Variants in DPP10 observed in about 807,000 individuals in gnomAD.
The protein encoded by DPP10 is inactive dipeptidyl peptidase 10.
Under a neutral mutation model 120.9 loss-of-function variants are expected in DPP10, and 33 were observed. The ratio of observed to expected loss-of-function variants is 0.27; its 90% CI spans 0.21 to 0.37. The LOEUF is 0.37. DPP10 is among the 10% of genes least tolerant of loss of function. The probability of loss-of-function intolerance (pLI) is 1.00; values close to 1 mark genes in which losing one functional copy is unlikely to be tolerated. For synonymous variants in DPP10, 337 were observed against 326.1 expected (o/e 1.03, Z -0.36); for missense variants, 816 against 942.8 (o/e 0.87, Z 1.76).
intron 1 of DPP10, among the ~76,000 whole-genome samples, chr2:115,108,579 A>G (rs569588516): frequency 6.6e-6 from 1 of 152,346 alleles, no homozygotes; most frequent in South Asian, 2.1e-4. Flanking sequence ...TTGGCCTACC[A>G]GTAAGCCAAT....
intron 1 of DPP10, among the ~76,000 whole-genome samples, chr2:114,697,088 C>T (rs1700112223): frequency 6.6e-6 from 1 of 151,988 alleles, no homozygotes; most frequent in South Asian, 2.1e-4. Flanking sequence ...TAGTGTACCT[C>T]CCGAGATAAT....
chr2:115,633,014 A>G (rs1464705605), intron 5 of DPP10, among the ~76,000 whole-genome samples: 1 of 152,224 alleles, frequency 6.6e-6, no homozygotes, highest in African/African-American at 2.4e-5. Context: ...ATTGTGGAAG[A>G]CAGTGTGGTG....
intron 5 of DPP10, among the ~76,000 whole-genome samples, chr2:115,531,939 C>T (rs1335232757): frequency 1.3e-5 from 2 of 151,952 alleles, no homozygotes; most frequent in Non-Finnish European, 2.9e-5. Flanking sequence ...AAAATATATC[C>T]GTAGTTTTCA....
intron 3 of DPP10, among the ~76,000 whole-genome samples, chr2:115,449,262 A>G (rs976720091): frequency 2.6e-5 from 4 of 152,136 alleles, no homozygotes; most frequent in African/African-American, 7.2e-5. Flanking sequence ...GAGAGCCATG[A>G]GATCTGGCCA....
intron 1 of DPP10, among the ~76,000 whole-genome samples, chr2:115,163,546 C>T (rs146578111): frequency 3.3e-5 from 5 of 152,234 alleles, no homozygotes; most frequent in Admixed American, 2.0e-4. Context: ...CCTTTTATAC[C>T]CCTTCCTCCT....
At chr2:114,781,080 G>C (rs909365685) in intron 1 of DPP10, among the ~76,000 whole-genome samples, 1 of 152,076 alleles carries the variant, frequency 6.6e-6, no homozygotes, top group Non-Finnish European at 1.5e-5. Flanking sequence ...CACAAAGTCC[G>C]ATGTGCTTGT....
intron 5 of DPP10, among the ~76,000 whole-genome samples, chr2:115,652,274 T>C (rs1364055316): frequency 1.3e-5 from 2 of 151,928 alleles, no homozygotes; most frequent in Non-Finnish European, 2.9e-5. Context: ...TAGTAAATTA[T>C]GAATTATTTG....
chr2:114,868,834 G>A (rs1377130478), intron 1 of DPP10, among the ~76,000 whole-genome samples: 1 of 152,150 alleles, frequency 6.6e-6, no homozygotes, highest in Non-Finnish European at 1.5e-5. Flanking sequence ...TGATGCTTAT[G>A]ATCATGAGTT....
chr2:114,998,848 C>G lies in DPP10; in HGVS notation c.61-310391C>G, dbSNP rs114190873. On this transcript the variant is annotated intron_variant, in intron 1 of 25. Transcript: ENST00000410059. ...TCTCAGAACTAGCAGCAGGAATACT[C>G]CTTAAGATGCCATTTTTTGGACCTT... Among the ~76,000 whole-genome samples the G allele has an allele frequency of 2.1e-3, 320 of 152,204 alleles. 2 individuals are homozygous for G. The highest frequency in any genetic ancestry group is 0.014 in the Middle Eastern group (4 of 292).
chr2:115,279,461 A>C (rs1405143161), intron 1 of DPP10, among the ~76,000 whole-genome samples: 1 of 151,974 alleles, frequency 6.6e-6, no homozygotes, highest in Non-Finnish European at 1.5e-5. Flanking sequence ...ATTGGTCTCT[A>C]CCCAATAAGA....
At chr2:115,390,317 G>C (rs2067235217) in intron 3 of DPP10, among the ~76,000 whole-genome samples, 1 of 152,038 alleles carries the variant, frequency 6.6e-6, no homozygotes, top group Admixed American at 6.6e-5. Context: ...ATTACCACTG[G>C]GATATTTTTA....
chr2:115,735,912 C>G (rs1469020952), intron 8 of DPP10, among the ~76,000 whole-genome samples: 1 of 152,012 alleles, frequency 6.6e-6, no homozygotes, highest in Admixed American at 6.6e-5. Flanking sequence ...ATTTGTGACT[C>G]TCCTGAGTTC....
intron 4 of DPP10, among the ~76,000 whole-genome samples, chr2:115,501,130 C>G (rs2076661179): frequency 1.3e-5 from 2 of 151,968 alleles, no homozygotes; most frequent in Admixed American, 6.6e-5. Context: ...TATGGAGATT[C>G]TAGGCCCTCA....
chr2:115,347,773 G>C (rs1574508145), intron 3 of DPP10, among the ~76,000 whole-genome samples: 1 of 152,034 alleles, frequency 6.6e-6, no homozygotes, highest in South Asian at 2.1e-4. Flanking sequence ...GAGAATGATG[G>C]TTTCCAGCAT....
chr2:114,745,872 C>T (rs540812579), intron 1 of DPP10, among the ~76,000 whole-genome samples: 3 of 152,298 alleles, frequency 2.0e-5, no homozygotes, highest in African/African-American at 7.2e-5. Flanking sequence ...CACGTAGTCC[C>T]CACTGTCCTT....
chr2:114,813,014 C>T (rs760534392), intron 1 of DPP10, among the ~76,000 whole-genome samples: 4 of 152,296 alleles, frequency 2.6e-5, no homozygotes, highest in Non-Finnish European at 5.9e-5. Flanking sequence ...CAGCTGTATA[C>T]AGCGTGTGGT....
At chr2:115,371,671 T>C (rs2065420544) in intron 3 of DPP10, among the ~76,000 whole-genome samples, 1 of 152,164 alleles carries the variant, frequency 6.6e-6, no homozygotes, top group African/African-American at 2.4e-5. Flanking sequence ...AATGCTGTGA[T>C]GTTAATTTCA....
At chr2:115,537,307 A>G (rs1319585095) in intron 5 of DPP10, among the ~76,000 whole-genome samples, 3 of 152,010 alleles carry the variant, frequency 2.0e-5, no homozygotes, top group Non-Finnish European at 4.4e-5. Context: ...CAATAAAGCA[A>G]CCTATTTCCT....
intron 8 of DPP10, among the ~76,000 whole-genome samples, chr2:115,729,189 T>G (rs2149645949): frequency 6.6e-6 from 1 of 152,316 alleles, no homozygotes; most frequent in Non-Finnish European, 1.5e-5. Context: ...AGAGATACAT[T>G]ACTGGAGGGG....
Sources: gnomAD v4.1 joint callset for allele counts (sites outside exome capture counted in the v4.1 genomes callset) on GRCh38, gnomAD v4.1.1 for gene constraint, MANE v1.5 for transcripts, NCBI Gene and HGNC (gene_info 2026-07-23, HGNC 2026-07-21) for gene names.